TAFA1: variants seen among roughly 807,000 people sequenced by gnomAD.
TAFA1 encodes TAFA chemokine like family member 1.
A neutral mutation model predicts 18.5 loss-of-function variants in TAFA1; 4 were observed. That is an observed-to-expected ratio of 0.22 (90% CI 0.11 to 0.49). The LOEUF is 0.49. Among genes scored for constraint, TAFA1 ranks in the 20% least tolerant of loss-of-function variants. The pLI is 0.98. For missense variants in TAFA1, 147 were observed against 169.0 expected, an observed-to-expected ratio of 0.87 and a Z score of 0.72; for synonymous variants, 56 against 55.2, an observed-to-expected ratio of 1.01 and a Z score of -0.06.
intron 2 of TAFA1, among the ~76,000 whole-genome samples, chr3:68,122,808 A>ATGTGTGTGTGTGTATGTG (rs748448198): frequency 2.6e-5 from 4 of 151,306 alleles, no homozygotes; most frequent in Non-Finnish European, 4.4e-5. Context: ...GTATATATAT[A>ATGTGTGTGTGTGTATGTG]TGTGTGTGTG....
chr3:68,494,416 CT>C (rs1383296259), intron 3 of TAFA1, among the ~76,000 whole-genome samples: 1 of 152,190 alleles, frequency 6.6e-6, no homozygotes, highest in Non-Finnish European at 1.5e-5. Context: ...TCATTCTCCT[CT>C]TTTTTCTCTG....
intron 2 of TAFA1, among the ~76,000 whole-genome samples, chr3:68,012,879 C>T (rs559103429): frequency 1.3e-5 from 2 of 152,276 alleles, no homozygotes; most frequent in South Asian, 4.1e-4. Context: ...GAAACACTGT[C>T]TTCTGAAGAT....
chr3:68,317,177 T>A (rs952326857), intron 2 of TAFA1, among the ~76,000 whole-genome samples: 55 of 152,180 alleles, frequency 3.6e-4, no homozygotes, highest in Admixed American at 3.6e-3. Flanking sequence ...AGATTGTTGT[T>A]TTCTGGATAT....
chr3:68,529,348 A>T (rs1412596625), intron 3 of TAFA1, among the ~76,000 whole-genome samples: 2 of 146,264 alleles, frequency 1.4e-5, no homozygotes, highest in Admixed American at 7.2e-5. Context: ...TTCTTCTTCC[A>T]TCTTACACAC....
intron 3 of TAFA1, among the ~76,000 whole-genome samples, chr3:68,441,256 G>A (rs1202662626): frequency 6.6e-6 from 1 of 152,170 alleles, no homozygotes; most frequent in Non-Finnish European, 1.5e-5. Context: ...GGTGCAGGCT[G>A]CTTTGTAAGC....
chr3:68,136,365 A>G (rs750873990), intron 2 of TAFA1, among the ~76,000 whole-genome samples: 11 of 152,220 alleles, frequency 7.2e-5, no homozygotes, highest in Non-Finnish European at 8.8e-5. Context: ...AAATGCAAAT[A>G]GTCAGGCTGA....
At chr3:68,226,187 A>C (rs1437187816) in intron 2 of TAFA1, among the ~76,000 whole-genome samples, 1 of 152,224 alleles carries the variant, frequency 6.6e-6, no homozygotes, top group Non-Finnish European at 1.5e-5. Flanking sequence ...ACAATTAAAA[A>C]CAAGGGGTCA....
chr3:68,306,888 A>G (rs1396338091), intron 2 of TAFA1, among the ~76,000 whole-genome samples: 1 of 152,188 alleles, frequency 6.6e-6, no homozygotes, highest in Non-Finnish European at 1.5e-5. Context: ...ATTTCTAATG[A>G]CTTTCTGACA....
chr3:68,432,906 G>A (rs1440974498), intron 3 of TAFA1, among the ~76,000 whole-genome samples: 3 of 151,940 alleles, frequency 2.0e-5, no homozygotes, highest in Non-Finnish European at 2.9e-5. Flanking sequence ...GCCCTCACAC[G>A]AGAGCTGCCT....
At chr3:68,096,016 TTCTA>T (rs934367696) in intron 2 of TAFA1, among the ~76,000 whole-genome samples, 3 of 152,054 alleles carry the variant, frequency 2.0e-5, no homozygotes, top group Admixed American at 2.0e-4. Flanking sequence ...TTTTTAACTG[TTCTA>T]TCTAACTGTG....
At chr3:68,447,479 G>C (rs1575875521) in intron 3 of TAFA1, among the ~76,000 whole-genome samples, 1 of 152,156 alleles carries the variant, frequency 6.6e-6, no homozygotes, top group South Asian at 2.1e-4. Context: ...CATTCCCCCA[G>C]TGAACTCTTG....
At chr3:68,498,721 G>GTTTTTTTTTTT (rs1559694779) in intron 3 of TAFA1, among the ~76,000 whole-genome samples, 1 of 101,722 alleles carries the variant, frequency 9.8e-6, no homozygotes. Context: ...CCGTTTGGTG[G>GTTTTTTTTTTT]CTTTTTTTTT....
At chr3:68,544,387 T>C (rs1472259382) in intron 4 of TAFA1, 99 bp from the exon 5 acceptor site, 1 of 1,244,048 alleles carries the variant, frequency 8.0e-7, no homozygotes, top group African/African-American at 1.5e-5. Context: ...AGCAACATCC[T>C]AAAGATTCAA....
intron 2 of TAFA1, among the ~76,000 whole-genome samples, chr3:68,228,769 C>T (rs1218728000): frequency 6.6e-6 from 1 of 152,158 alleles, no homozygotes; most frequent in African/African-American, 2.4e-5. Context: ...GGAAATATGC[C>T]AAGACTGGAA....
At chr3:68,455,733 A>G (rs1443504290) in intron 3 of TAFA1, among the ~76,000 whole-genome samples, 1 of 152,126 alleles carries the variant, frequency 6.6e-6, no homozygotes. Context: ...GAAGTCATGT[A>G]CAATATCTGG....
intron 2 of TAFA1, among the ~76,000 whole-genome samples, chr3:68,416,900 C>G (rs1387677388): frequency 6.6e-6 from 1 of 152,172 alleles, no homozygotes; most frequent in African/African-American, 2.4e-5. Context: ...TGGAGTGTCA[C>G]TTGTCAATAG....
At chr3:68,355,688 C>T (rs887597866) in intron 2 of TAFA1, among the ~76,000 whole-genome samples, 13 of 151,924 alleles carry the variant, frequency 8.6e-5, no homozygotes, top group African/African-American at 2.9e-4. Flanking sequence ...ATTGAGCATA[C>T]TTTATGTAGC....
At chr3:68,172,774 C>T (rs779420986) in intron 2 of TAFA1, among the ~76,000 whole-genome samples, 5 of 151,728 alleles carry the variant, frequency 3.3e-5, no homozygotes, top group South Asian at 4.2e-4. Context: ...CACCAAAGGG[C>T]GCATAATAGA....
chr3:68,109,579 A>T (rs2065241792), intron 2 of TAFA1, among the ~76,000 whole-genome samples: 1 of 152,166 alleles, frequency 6.6e-6, no homozygotes, highest in Admixed American at 6.6e-5. Flanking sequence ...TGAAATGATG[A>T]GTGAAGGCCT....
Sources: allele counts gnomAD v4.1 joint callset (sites outside exome capture counted in the v4.1 genomes callset), GRCh38; gene constraint gnomAD v4.1.1; transcripts MANE v1.5; gene names NCBI Gene and HGNC (gene_info 2026-07-23, HGNC 2026-07-21).